TECPR2: variants seen among roughly 807,000 people sequenced by gnomAD.
TECPR2 encodes tectonin beta-propeller repeat-containing protein 2.
In TECPR2, 65 loss-of-function variants were observed where a neutral mutation model predicts 138.1. The ratio of observed to expected loss-of-function variants is 0.47; its 90% CI spans 0.39 to 0.58. The LOEUF (loss-of-function observed/expected upper bound fraction) is 0.58. Among genes scored for constraint, TECPR2 ranks in the 20% least tolerant of loss-of-function variants. The pLI, the probability that TECPR2 is intolerant of heterozygous loss-of-function variation, is 0.00. For synonymous variants in TECPR2, 746 were observed against 749.8 expected (o/e 0.99, Z 0.08); for missense variants, 1,553 against 1,824.5 (o/e 0.85, Z 2.71).
At chr14:102,401,677 T>C (rs570015733) in intron 2 of TECPR2, among the ~76,000 whole-genome samples, 35 of 151,108 alleles carry the variant, frequency 2.3e-4, no homozygotes, top group African/African-American at 8.0e-4. Flanking sequence ...TGGTGGTGGG[T>C]GCCTGTAGTC....
At chr14:102,491,680 C>T (rs1021436226) in intron 17 of TECPR2, among the ~76,000 whole-genome samples, 3 of 152,210 alleles carry the variant, frequency 2.0e-5, no homozygotes, top group African/African-American at 7.2e-5. Context: ...ACCCTCAGTT[C>T]TACACTTGCT....
At chr14:102,363,238 T>G in intron 1 of TECPR2, 122 bp downstream of exon 1, 6 of 199,612 alleles carry the variant, frequency 3.0e-5, no homozygotes, top group East Asian at 1.2e-4. Context: ...AGGGTCTCCA[T>G]GCCCGTCCGC....
Position 102,438,142 on chromosome 14 carries a change from G to T in TECPR2, c.2515G>T (p.Gly839Cys). 1 of 1,613,802 alleles carries T rather than the reference G, an allele frequency of 6.2e-7. No individual in the cohort carries two copies. Among genetic ancestry groups the T allele is most frequent in the Non-Finnish European group, 8.5e-7 (1 of 1,179,972 alleles). The change falls in exon 10 of 20, where the codon GGC becomes TGC. Residue 839 changes from glycine (G) to cysteine (C), a missense_variant. Coordinates refer to ENST00000359520, the MANE Select transcript of TECPR2 (RefSeq NM_014844.5). Reference protein sequence around the residue: ...KGGLFCSALPGAGLRWQKFED... With the variant: ...KGGLFCSALPCAGLRWQKFED... ...CGGCCTGTTCTGCAGCGCGTTGCCG[G>T]GCGCCGGGCTGCGCTGGCAGAAGTT...
chr14:102,412,507 A>G (rs1386062428), intron 4 of TECPR2, among the ~76,000 whole-genome samples: 8 of 152,190 alleles, frequency 5.3e-5, no homozygotes, highest in Non-Finnish European at 1.0e-4. Context: ...AAGTCTAGCT[A>G]TAAGGAATCA....
Position 102,467,940 on chromosome 14 carries a change from G to A in TECPR2, c.3789+2651G>A, listed in dbSNP as rs560668604. Among the ~76,000 whole-genome samples the A allele has an allele frequency of 6.6e-5, 10 of 151,020 alleles. No individual in the cohort carries two copies. In the East Asian group the frequency reaches 7.8e-4, roughly 12 times the overall value. On this transcript the variant is annotated intron_variant, in intron 17 of 19. Transcript: ENST00000359520. Reference sequence around the variant, plus strand: ...CAATCTCTGCCTCCTGGGTTCAAGCGATTCTCTTGCCTCAGCCTGCTGAGT... The same window carrying A: ...CAATCTCTGCCTCCTGGGTTCAAGCAATTCTCTTGCCTCAGCCTGCTGAGT...
chr14:102,374,019 C>G (rs1461215959), intron 1 of TECPR2, among the ~76,000 whole-genome samples: 1 of 150,218 alleles, frequency 6.7e-6, no homozygotes, highest in Non-Finnish European at 1.5e-5. Flanking sequence ...TTGCAGTGAG[C>G]CGAGATCGCA....
intron 2 of TECPR2, among the ~76,000 whole-genome samples, chr14:102,380,240 T>C (rs976213025): frequency 3.3e-4 from 50 of 151,954 alleles, no homozygotes; most frequent in African/African-American, 1.2e-3. Flanking sequence ...CACAGAGGCG[T>C]CCTAGTCACA....
intron 17 of TECPR2, among the ~76,000 whole-genome samples, chr14:102,473,139 G>A (rs1377462272): frequency 6.6e-6 from 1 of 152,384 alleles, no homozygotes; most frequent in East Asian, 1.9e-4. Flanking sequence ...CATAGACCCA[G>A]GTGTGTGACA....
chr14:102,450,772 G>A, intron 15 of TECPR2, 123 bp downstream of exon 15: 4 of 905,776 alleles, frequency 4.4e-6, no homozygotes, highest in South Asian at 3.0e-5. Context: ...GACCACGTGA[G>A]GGTGTCAGAG....
chr14:102,410,597 G>A (rs1212067295), intron 4 of TECPR2, among the ~76,000 whole-genome samples: 5 of 151,682 alleles, frequency 3.3e-5, no homozygotes, highest in East Asian at 3.9e-4. Context: ...GCCTGTCCTC[G>A]GAATGCTACA....
intron 2 of TECPR2, among the ~76,000 whole-genome samples, chr14:102,406,768 C>T (rs549033279): frequency 2.0e-5 from 3 of 152,272 alleles, no homozygotes; most frequent in African/African-American, 2.4e-5. Flanking sequence ...GTGCGAGGAT[C>T]GCTTGAGCCT....
chr14:102,368,612 G>GTT (rs547989402), intron 1 of TECPR2, among the ~76,000 whole-genome samples: 2 of 141,086 alleles, frequency 1.4e-5, no homozygotes, highest in African/African-American at 5.2e-5. Flanking sequence ...CATTTTGTGG[G>GTT]TTTTTTTTTT....
At position 102,448,636 on chromosome 14, in the gene TECPR2, C is replaced by T. The variant is rs148310177; in HGVS notation, c.3076-993C>T. 2.4e-3 allele frequency among the ~76,000 whole-genome samples: 360 copies of T among 152,162 alleles called. 9 individuals carry two copies. In the East Asian group the frequency reaches 0.059, roughly 25 times the overall value. On this transcript the variant is annotated intron_variant, in intron 13 of 19. Coordinates refer to ENST00000359520, the MANE Select transcript of TECPR2 (RefSeq NM_014844.5). ...ATCCCAGCACTTTGGGAGGCCTGGGCGGGCGGATCACCTGAGGTCAGGAGT... is the reference window on the plus strand; with the variant it reads ...ATCCCAGCACTTTGGGAGGCCTGGGTGGGCGGATCACCTGAGGTCAGGAGT...
intron 2 of TECPR2, among the ~76,000 whole-genome samples, chr14:102,405,231 C>T (rs1888627147): frequency 6.6e-6 from 1 of 152,090 alleles, no homozygotes; most frequent in East Asian, 1.9e-4. Flanking sequence ...ATCACTTGAA[C>T]CCGGGAGGTG....
At chr14:102,387,549 C>T (rs1205495734) in intron 2 of TECPR2, among the ~76,000 whole-genome samples, 3 of 147,216 alleles carry the variant, frequency 2.0e-5, no homozygotes, top group Non-Finnish European at 3.0e-5. Context: ...TTTTTTGAGA[C>T]GGAGTCTTGC....
intron 17 of TECPR2, among the ~76,000 whole-genome samples, chr14:102,484,823 A>G (rs1443880297): frequency 5.1e-3 from 774 of 150,764 alleles, no homozygotes; most frequent in African/African-American, 0.018. Flanking sequence ...ATGCCTGGCT[A>G]ATTTTTGTAT....
intron 2 of TECPR2, among the ~76,000 whole-genome samples, chr14:102,395,956 T>A (rs1888303533): frequency 1.3e-5 from 2 of 152,252 alleles, no homozygotes. Flanking sequence ...GCAGGTAGAT[T>A]ATGGATAACA....
chr14:102,382,306 GA>G (rs1323385646), intron 2 of TECPR2, among the ~76,000 whole-genome samples: 1 of 150,780 alleles, frequency 6.6e-6, no homozygotes, highest in East Asian at 1.9e-4. Flanking sequence ...AAAAAAAAAA[GA>G]AAGAAAGTTG....
chr14:102,470,771 C>A (rs1200813070), intron 17 of TECPR2, among the ~76,000 whole-genome samples: 1 of 151,322 alleles, frequency 6.6e-6, no homozygotes, highest in Non-Finnish European at 1.5e-5. Flanking sequence ...TCCCAAGTAA[C>A]TGGGGTTACA....
Sources: gnomAD v4.1 joint callset for allele counts (sites outside exome capture counted in the v4.1 genomes callset) on GRCh38, gnomAD v4.1.1 for gene constraint, MANE v1.5 for transcripts, NCBI Gene and HGNC (gene_info 2026-07-23, HGNC 2026-07-21) for gene names.